Variants in EPG5 observed in about 807,000 individuals in gnomAD.
EPG5 encodes the protein ectopic P granules protein 5 homolog.
In EPG5, 159 loss-of-function variants were observed where a neutral mutation model predicts 302.7. The observed-to-expected ratio is 0.53, with a 90% CI of 0.46 to 0.60. The LOEUF is 0.60. EPG5 is among the 20% of genes least tolerant of loss of function. The pLI is 0.00. For synonymous variants in EPG5, 1,158 were observed against 1,136.8 expected, an observed-to-expected ratio of 1.02 and a Z score of -0.37; for missense variants, 2,896 against 3,092.4, an observed-to-expected ratio of 0.94 and a Z score of 1.51.
chr18:45,855,713 G>C (rs761979719), intron 42 of EPG5, 26 bp from the exon 43 acceptor site: 19 of 1,443,118 alleles, frequency 1.3e-5, no homozygotes, highest in Non-Finnish European at 1.8e-5. Flanking sequence ...GAGGTCAGAA[G>C]AAGTAAATGG....
At chr18:45,839,054 T>G in the EPG5 span, 9 of 1,519,620 alleles carry the variant, frequency 5.9e-6, no homozygotes, top group Middle Eastern at 1.7e-4. Flanking sequence ...GCGCTGCTGC[T>G]GCTCGGGGTC....
Position 45,951,139 on chromosome 18 carries a change from T to C in EPG5, c.1352A>G (p.Gln451Arg). Reference protein sequence around the residue: ...MFTRRVNEDTQFHDDILLWLQ... With the variant: ...MFTRRVNEDTRFHDDILLWLQ... ...CCAGAGAAGAATATCATCATGAAAC[T>C]GAGTATCTTCATTAACTCTCCTGGT... The change falls in exon 4 of 44, where the codon CAG (glutamine) becomes CGG (arginine). Residue 451 changes from glutamine to arginine, a missense_variant. By Grantham distance (43) the Gln-to-Arg change is conservative. This residue lies in a region of EPG5 where 1,390 missense variants were observed against 1,430.0 expected (regional missense o/e 0.97). Transcript: ENST00000282041. The C allele has an allele frequency of 1.3e-6, 2 of 1,593,982 alleles. No individual in the cohort carries two copies. Among genetic ancestry groups the C allele is most frequent in the Non-Finnish European group, 1.7e-6 (2 of 1,171,732 alleles).
chr18:45,828,806 G>A, the EPG5 span, among the ~76,000 whole-genome samples: 16 of 152,176 alleles, frequency 1.1e-4, no homozygotes, highest in East Asian at 1.3e-3. Flanking sequence ...CTGAACTGCC[G>A]CAGAAAAACA....
At chr18:45,836,888 T>C in the EPG5 span, 1 of 589,380 alleles carries the variant, frequency 1.7e-6, no homozygotes, top group Non-Finnish European at 3.1e-6. Flanking sequence ...CAGCCTCTAG[T>C]GCACTAGAAT....
rs759981741 is a variant in EPG5, at chr18:45,928,860, T to C, written c.2553+9A>G. 6.2e-7 allele frequency: 1 copy of C among 1,600,394 alleles called. No individual in the cohort carries two copies. Among genetic ancestry groups the C allele is most frequent in the Non-Finnish European group, 8.5e-7 (1 of 1,176,844 alleles). On this transcript the variant is annotated intron_variant, in intron 13 of 43. Transcript: ENST00000282041. ...AAAAAACAAAAACAAACAAAATCAG[T>C]GCTCTTACCATTCCAACCTGGTCAA...
At chr18:45,867,792 C>T in intron 36 of EPG5, 44 bp from the exon 37 acceptor site, 1 of 1,495,468 alleles carries the variant, frequency 6.7e-7, no homozygotes, top group South Asian at 1.2e-5. Flanking sequence ...CTTGTGCTAT[C>T]TATGTATCTG....
Position 45,937,145 on chromosome 18 carries a change from A to C in EPG5, c.2100-2179T>G, listed in dbSNP as rs565516879. 1.2e-4 allele frequency among the ~76,000 whole-genome samples: 18 copies of C among 151,848 alleles called. No homozygotes were observed. The South Asian group carries it at 3.7e-3, about 32-fold the overall frequency. On this transcript the variant is annotated intron_variant, in intron 10 of 43. Coordinates refer to ENST00000282041, the MANE Select transcript of EPG5 (RefSeq NM_020964.3). ...AAGAAGGGAAATTGTAGAGGACTTA[A>C]AAGTAATATCACAAACAGGGTGTAT...
At chr18:45,818,740 T>TTA in the EPG5 span, among the ~76,000 whole-genome samples, 4 of 147,056 alleles carry the variant, frequency 2.7e-5, no homozygotes, top group Admixed American at 2.7e-4. Context: ...AACTTTTTTT[T>TTA]TTTTTTTTTT....
At chr18:45,812,336 C>T in the EPG5 span, among the ~76,000 whole-genome samples, 855 of 152,250 alleles carry the variant, frequency 5.6e-3, 9 homozygotes, top group African/African-American at 0.019. Context: ...AAAATGGCCA[C>T]ACTGTCCAAG....
intron 29 of EPG5, among the ~76,000 whole-genome samples, chr18:45,886,162 G>C (rs934804012): frequency 6.6e-6 from 1 of 152,158 alleles, no homozygotes; most frequent in African/African-American, 2.4e-5. Flanking sequence ...AATATACAAT[G>C]TGTATCAAAT....
chr18:45,967,044 A>G, intron 1 of EPG5, 133 bp downstream of exon 1: 1 of 827,506 alleles, frequency 1.2e-6, no homozygotes, highest in South Asian at 1.8e-5. Flanking sequence ...GGTGGGATCA[A>G]ATATTGGAAG....
rs534935599 is a variant in EPG5, at chr18:45,912,356, G to A, written c.3917C>T (p.Pro1306Leu). 1 of 1,611,660 alleles carries A rather than the reference G, an allele frequency of 6.2e-7. No homozygotes were observed. Among genetic ancestry groups the A allele is most frequent in the Admixed American group, 1.7e-5 (1 of 59,346 alleles). The change falls in exon 22 of 44, where the codon CCC becomes CTC. Residue 1306 changes from proline (P) to leucine (L), a missense_variant. Pro to Leu is a moderately conservative substitution (Grantham distance 98). Around this residue, in one of 5 missense-constraint regions of EPG5, gnomAD observed 790 missense variants for 798.0 expected, o/e 0.99. Transcript: ENST00000282041. ...CTTCTGCCAAATGAGTGGCAGGAGG[G>A]GGTGATCAGAAGGTGTGACCAGAGC... ...HQALVTPSDH[P>L]LLPLIWQKFF...
chr18:45,841,955 C>G, the EPG5 span: 1 of 724,490 alleles, frequency 1.4e-6, no homozygotes, highest in Non-Finnish European at 2.4e-6. Context: ...TCTGCCCAGC[C>G]TCCGATGCCA....
At position 45,944,109 on chromosome 18, in the gene EPG5, G is replaced by A. The variant is rs1026189696; in HGVS notation, c.1688C>T (p.Pro563Leu). The A allele has an allele frequency of 3.1e-6, 5 of 1,609,714 alleles. No individual in the cohort carries two copies. Among genetic ancestry groups the A allele is most frequent in the East Asian group, 2.2e-5 (1 of 44,868 alleles). The part of the protein sequence containing the change: ...VDEGGEEDED[P>L]ETSWILLNED... ...ATTAAGGAGAATCCAACTGGTCTCA[G>A]GGTCTTCATCCTAAGGGAAAAGACA... Residue 563 changes from proline to leucine, a missense_variant, in exon 8 of 44, where the codon CCT (proline) becomes CTT (leucine). Pro to Leu is a moderately conservative substitution (Grantham distance 98). Coordinates refer to ENST00000282041, the MANE Select transcript of EPG5 (RefSeq NM_020964.3).
At chr18:45,816,662 G>A in the EPG5 span, among the ~76,000 whole-genome samples, 2 of 152,286 alleles carry the variant, frequency 1.3e-5, no homozygotes, top group South Asian at 2.1e-4. Context: ...ACACTTCCAC[G>A]CTGCAGTTGG....
At chr18:45,917,871 T>C in intron 16 of EPG5, 52 bp from the exon 17 acceptor site, 1 of 1,604,044 alleles carries the variant, frequency 6.2e-7, no homozygotes. Flanking sequence ...GTTCATAAAA[T>C]TCTGTTCTTC....
chr18:45,877,517 T>C (rs1399564093), intron 34 of EPG5, among the ~76,000 whole-genome samples: 1 of 152,194 alleles, frequency 6.6e-6, no homozygotes, highest in Non-Finnish European at 1.5e-5. Context: ...CAGCCAGCAC[T>C]ATGGTAAGCA....
the EPG5 span, chr18:45,825,455 C>T: frequency 1.9e-6 from 1 of 538,560 alleles, no homozygotes; most frequent in Admixed American, 3.0e-5. Flanking sequence ...CTTTCTCACC[C>T]TCTTTCCTGT....
chr18:45,880,895 T>C (rs2049084210), intron 31 of EPG5, among the ~76,000 whole-genome samples: 1 of 152,162 alleles, frequency 6.6e-6, no homozygotes. Context: ...ATATGTCCAG[T>C]GTGAGGTACC....
Sources: allele counts gnomAD v4.1 joint callset (sites outside exome capture counted in the v4.1 genomes callset), GRCh38; gene constraint gnomAD v4.1.1; regional missense constraint gnomAD v4.1.1; transcripts MANE v1.5; gene names NCBI Gene and HGNC (gene_info 2026-07-23, HGNC 2026-07-21).